PRKN: variants seen among roughly 807,000 people sequenced by gnomAD.
PRKN encodes the protein E3 ubiquitin-protein ligase parkin.
In PRKN, 56 loss-of-function variants were observed where a neutral mutation model predicts 59.5. The observed-to-expected ratio is 0.94, with a 90% CI of 0.76 to 1.18. PRKN has a LOEUF of 1.18. Ranked by LOEUF, PRKN falls within the 50% of genes most tolerant of loss-of-function variation. PRKN has a pLI of 0.00. For missense variants in PRKN, 657 were observed against 596.4 expected, an observed-to-expected ratio of 1.10 and a Z score of -1.06; for synonymous variants, 250 against 222.1, an observed-to-expected ratio of 1.13 and a Z score of -1.12.
In PRKN at chr6:161,940,075, T is replaced by C. The variant is rs1274902478; in HGVS notation, c.734+33227A>G. Among the ~76,000 whole-genome samples the C allele has an allele frequency of 3.3e-5, 5 of 152,198 alleles. No individual in the cohort carries two copies. The East Asian group carries it at 9.7e-4, about 30-fold the overall frequency. ...CCATGCCCGGCTAATTTTGCATTTTTAGTAGAGACGGGGTTTCTCCATGTT... is the reference window on the plus strand; with the variant it reads ...CCATGCCCGGCTAATTTTGCATTTTCAGTAGAGACGGGGTTTCTCCATGTT... On this transcript the variant is annotated intron_variant, in intron 6 of 11. Coordinates refer to ENST00000366898, the MANE Select transcript of PRKN (RefSeq NM_004562.3).
chr6:162,449,578 TATTA>T (rs1259401407), intron 1 of PRKN, among the ~76,000 whole-genome samples: 7 of 151,080 alleles, frequency 4.6e-5, no homozygotes, highest in Admixed American at 3.3e-4. Context: ...TTTTATATTT[TATTA>T]TTTATTTTTA....
chr6:161,430,352 A>G (rs563886698), intron 9 of PRKN, among the ~76,000 whole-genome samples: 84 of 152,310 alleles, frequency 5.5e-4, no homozygotes, highest in African/African-American at 1.9e-3. Flanking sequence ...TACACTGACA[A>G]TTGAAGTTCA....
Position 161,551,305 on chromosome 6 carries a change from C to T in PRKN, c.934-2302G>A, listed in dbSNP as rs60300244. Among the ~76,000 whole-genome samples, 566 of 152,288 alleles carry T rather than the reference C, an allele frequency of 3.7e-3. 10 individuals are homozygous for T. The East Asian group carries it at 0.058, about 16-fold the overall frequency. ...TGGGGAGGCGCGCTGGCGACCTGAA[C>T]GTCTCCAGGTCCTGCCTGAGTCTCA... On this transcript the variant is annotated intron_variant, in intron 8 of 11. Transcript: ENST00000366898. The surrounding 1 kb of genome is among the most constrained non-coding windows in gnomAD (Gnocchi z 5.2).
At chr6:162,153,090 C>T (rs1026345133) in intron 4 of PRKN, among the ~76,000 whole-genome samples, 5 of 152,222 alleles carry the variant, frequency 3.3e-5, no homozygotes, top group Admixed American at 1.3e-4. Flanking sequence ...GTGTTCAAGG[C>T]TAGAAAATAG....
chr6:162,597,007 A>G (rs1781519014), intron 1 of PRKN, among the ~76,000 whole-genome samples: 1 of 152,218 alleles, frequency 6.6e-6, no homozygotes, highest in Admixed American at 6.5e-5. Flanking sequence ...GGCTCCTCCC[A>G]AGTCTAAATA....
Position 162,298,773 on chromosome 6 carries a change from C to A in PRKN, c.172-36008G>T, listed in dbSNP as rs1353748752. The stretch of plus-strand genomic sequence containing the variant: ...GTGCAAGCTGTTTCTTGACCCTGTG[C>A]CCATCCTGAGCTGTATAAGATTCTC... On this transcript the variant is annotated intron_variant, in intron 2 of 11. Transcript: ENST00000366898. Among the ~76,000 whole-genome samples the A allele has an allele frequency of 2.0e-5, 3 of 152,038 alleles. No homozygotes were observed. In the East Asian group the frequency reaches 5.8e-4, roughly 30 times the overall value.
chr6:161,431,943 A>G (rs1162855538), intron 9 of PRKN, among the ~76,000 whole-genome samples: 1 of 152,172 alleles, frequency 6.6e-6, no homozygotes, highest in East Asian at 1.9e-4. Context: ...AGCTATATCT[A>G]CGTTTAAGCT....
chr6:162,110,854 C>T (rs931990402), intron 4 of PRKN, among the ~76,000 whole-genome samples: 6 of 152,174 alleles, frequency 3.9e-5, no homozygotes, highest in African/African-American at 9.7e-5. Context: ...GGTCTTGCCA[C>T]ACATGCTTCA....
At chr6:161,867,531 A>G (rs1794158627) in intron 6 of PRKN, among the ~76,000 whole-genome samples, 1 of 152,208 alleles carries the variant, frequency 6.6e-6, no homozygotes, top group South Asian at 2.1e-4. Context: ...AATTATGGAA[A>G]AGCAGATATA....
rs141496337 is a variant in PRKN, at chr6:161,941,875, A to G, written c.734+31427T>C. Reference sequence around the variant, plus strand: ...AGAGATGGATCATAGAGGAAAGATCATGTGAAAAAAGGGTGAGTGTACAAT... The same window carrying G: ...AGAGATGGATCATAGAGGAAAGATCGTGTGAAAAAAGGGTGAGTGTACAAT... On this transcript the variant is annotated intron_variant, in intron 6 of 11. Transcript: ENST00000366898. Among the ~76,000 whole-genome samples, 45 of 152,322 alleles carry G rather than the reference A, an allele frequency of 3.0e-4. No homozygotes were observed. In the East Asian group the frequency reaches 8.7e-3, roughly 29 times the overall value.
intron 4 of PRKN, among the ~76,000 whole-genome samples, chr6:162,168,249 G>A (rs1404639120): frequency 1.3e-5 from 2 of 152,018 alleles, no homozygotes; most frequent in Admixed American, 6.5e-5. Flanking sequence ...TTTTCTAGAA[G>A]CAAGTGATAA....
intron 6 of PRKN, among the ~76,000 whole-genome samples, chr6:161,809,354 T>C (rs571424394): frequency 6.6e-6 from 1 of 152,262 alleles, no homozygotes; most frequent in Admixed American, 6.5e-5. Flanking sequence ...AGGTGGATTC[T>C]GGACTTGCAT....
intron 9 of PRKN, among the ~76,000 whole-genome samples, chr6:161,522,281 G>A (rs529298248): frequency 6.6e-6 from 1 of 152,322 alleles, no homozygotes; most frequent in Admixed American, 6.5e-5. Context: ...GACAGGCGAG[G>A]GAGGTAGAGG....
intron 7 of PRKN, among the ~76,000 whole-genome samples, chr6:161,595,139 T>C (rs1583273397): frequency 6.6e-6 from 1 of 152,386 alleles, no homozygotes; most frequent in South Asian, 2.1e-4. Context: ...AAAATAATTA[T>C]ATACTTGTTT....
At chr6:162,325,138 G>GTGCCAGCCAAATAATGGGTT (rs1293101959) in intron 2 of PRKN, among the ~76,000 whole-genome samples, 2 of 60,274 alleles carry the variant, frequency 3.3e-5, no homozygotes, top group Non-Finnish European at 8.9e-5. Flanking sequence ...AACTTTATTA[G>GTGCCAGCCAAATAATGGGTT]TGCTAGAGCC....
intron 3 of PRKN, among the ~76,000 whole-genome samples, chr6:162,260,043 C>T (rs1336156402): frequency 6.6e-6 from 1 of 152,174 alleles, no homozygotes; most frequent in African/African-American, 2.4e-5. Context: ...CCAATCTTTA[C>T]AGATGCAACA....
rs930929078 is a variant in PRKN, at chr6:161,348,195, C to T, written c.*1904G>A. ...AAGGGAGCCACCTGATTTGTCGCAT[C>T]GGGCCAGTGTAAGGAAGTGTAATTT... On this transcript the variant is annotated 3_prime_UTR_variant, in exon 12 of 12. Coordinates refer to ENST00000366898, the MANE Select transcript of PRKN (RefSeq NM_004562.3). The surrounding 1 kb of genome is among the most constrained non-coding windows in gnomAD (Gnocchi z 4.9). The T allele has an allele frequency of 2.9e-5, 6 of 203,994 alleles. No individual in the cohort carries two copies. The highest frequency in any genetic ancestry group is 5.0e-5 in the Non-Finnish European group (5 of 99,648). 12.6% of individuals were successfully genotyped at this position (203,994 alleles called of 1,614,324 possible). A position where few individuals can be genotyped will look rare whatever the true frequency, so the allele number is the denominator to read the frequency against.
At chr6:162,204,209 C>G (rs1312407246) in intron 3 of PRKN, among the ~76,000 whole-genome samples, 3 of 151,996 alleles carry the variant, frequency 2.0e-5, no homozygotes, top group African/African-American at 7.3e-5. Context: ...TTTAAGTAGG[C>G]ATTACAGAAA....
intron 1 of PRKN, among the ~76,000 whole-genome samples, chr6:162,508,357 G>C (rs1485915091): frequency 6.6e-6 from 1 of 152,170 alleles, no homozygotes. Flanking sequence ...AATATCACTT[G>C]CTTATGTCAC....
Sources: allele counts gnomAD v4.1 joint callset (sites outside exome capture counted in the v4.1 genomes callset), GRCh38; gene constraint gnomAD v4.1.1; non-coding constraint Gnocchi (gnomAD v3.1); transcripts MANE v1.5; gene names NCBI Gene and HGNC (gene_info 2026-07-23, HGNC 2026-07-21).